MAP3K2: variants seen among roughly 807,000 people sequenced by gnomAD.
MAP3K2 encodes MAP/ERK kinase kinase 2.
Under a neutral mutation model 80.3 loss-of-function variants are expected in MAP3K2, and 24 were observed. The observed-to-expected ratio is 0.30, with a 90% CI of 0.22 to 0.42. The LOEUF is 0.42. MAP3K2 is among the 10% of genes least tolerant of loss of function. The probability of loss-of-function intolerance (pLI) is 1.00; values close to 1 mark genes in which losing one functional copy is unlikely to be tolerated. For synonymous variants in MAP3K2, 244 were observed against 253.7 expected (o/e 0.96, Z 0.36); for missense variants, 608 against 750.1 (o/e 0.81, Z 2.21).
Position 127,335,905 on chromosome 2 carries a change from C to A in MAP3K2, c.229G>T (p.Gly77Ter). 6.3e-7 allele frequency: 1 copy of A among 1,575,228 alleles called. No homozygotes were observed. The change falls in exon 5 of 17, where the codon GGA becomes TGA. Residue 77 changes from glycine (G) to a stop codon, truncating the protein, a stop_gained. Coordinates refer to ENST00000682094, the MANE Select transcript of MAP3K2 (RefSeq NM_001371910.2). LOFTEE classifies it high-confidence loss of function. The part of the protein sequence containing the change: ...DLRSKAKIAF[G>*]QSMDLHYTNN... Reference sequence around the variant, plus strand: ...GTATAATGTAGATCCATAGACTGTCCAAAGGCAATTTTAGCTTTAGATCTC... The same window carrying A: ...GTATAATGTAGATCCATAGACTGTCAAAAGGCAATTTTAGCTTTAGATCTC...
At chr2:127,325,544 T>A (rs562179112) in intron 9 of MAP3K2, among the ~76,000 whole-genome samples, 184 bp downstream of exon 9, 21 of 152,146 alleles carry the variant, frequency 1.4e-4, no homozygotes, top group South Asian at 8.3e-4. Context: ...TAGCCAGATG[T>A]GGTATTAATA....
chr2:127,328,137 T>C (rs1391249804), intron 7 of MAP3K2, among the ~76,000 whole-genome samples: 1 of 152,126 alleles, frequency 6.6e-6, no homozygotes, highest in East Asian at 1.9e-4. Flanking sequence ...TAGCCAGGCA[T>C]GGTGGCGGGC....
intron 1 of MAP3K2, among the ~76,000 whole-genome samples, chr2:127,354,775 T>C (rs1452878342): frequency 6.6e-6 from 1 of 151,948 alleles, no homozygotes; most frequent in African/African-American, 2.4e-5. Flanking sequence ...CAACTAATAA[T>C]AACAGACCCA....
At chr2:127,378,974 T>G (rs1687196702) in intron 1 of MAP3K2, among the ~76,000 whole-genome samples, 2 of 129,786 alleles carry the variant, frequency 1.5e-5, no homozygotes, top group African/African-American at 6.3e-5. Context: ...TTGTGGGGTT[T>G]TTTGTTGTTT....
At chr2:127,345,556 T>A (rs75912196) in intron 1 of MAP3K2, among the ~76,000 whole-genome samples, 3,955 of 152,122 alleles carry the variant, frequency 0.026, 75 homozygotes, top group Non-Finnish European at 0.038. Context: ...ATAATCAACC[T>A]CAAAACAGCA....
intron 12 of MAP3K2, among the ~76,000 whole-genome samples, chr2:127,320,020 GGCCTAGCAGAAGAAGAGCTGT>G (rs1415380451): frequency 6.6e-6 from 1 of 152,046 alleles, no homozygotes; most frequent in Non-Finnish European, 1.5e-5. Context: ...TCACAGTAAC[GGCCTAGCAGAAGAAGAGCTGT>G]GCCTATTTCC....
At chr2:127,378,983 T>TGG (rs946774481) in intron 1 of MAP3K2, among the ~76,000 whole-genome samples, 4 of 41,264 alleles carry the variant, frequency 9.7e-5, no homozygotes, top group African/African-American at 4.3e-4. Context: ...TTTTTGTTGT[T>TGG]TTTTTTTTTT....
intron 7 of MAP3K2, among the ~76,000 whole-genome samples, chr2:127,328,778 C>T (rs12613413): frequency 0.79 from 120,126 of 152,074 alleles, 47,582 homozygotes; most frequent in Middle Eastern, 0.84. Flanking sequence ...TTTTGATGGT[C>T]CACATGCCAA....
chr2:127,334,179 T>C (rs1396628840), intron 5 of MAP3K2, among the ~76,000 whole-genome samples: 1 of 151,436 alleles, frequency 6.6e-6, no homozygotes, highest in Non-Finnish European at 1.5e-5. Flanking sequence ...CATAGCAAAC[T>C]GGGAGAAGTC....
chr2:127,380,859 G>GT (rs1315985359), intron 1 of MAP3K2, among the ~76,000 whole-genome samples: 1 of 151,998 alleles, frequency 6.6e-6, no homozygotes, highest in Non-Finnish European at 1.5e-5. Context: ...AAGAGGAAAG[G>GT]TTTTTTAAGT....
intron 1 of MAP3K2, among the ~76,000 whole-genome samples, chr2:127,381,629 C>T (rs1021884173): frequency 3.3e-5 from 5 of 152,184 alleles, no homozygotes; most frequent in Non-Finnish European, 5.9e-5. Flanking sequence ...CACTGGAGAA[C>T]AGGCTAGCAT....
intron 2 of MAP3K2, among the ~76,000 whole-genome samples, chr2:127,341,161 T>G (rs1017538516): frequency 1.3e-5 from 2 of 151,840 alleles, no homozygotes; most frequent in Admixed American, 6.6e-5. Context: ...GGCTAATTTT[T>G]TGTATTTTTA....
intron 14 of MAP3K2, among the ~76,000 whole-genome samples, chr2:127,315,990 G>C (rs1246002487): frequency 6.6e-6 from 1 of 152,084 alleles, no homozygotes; most frequent in East Asian, 1.9e-4. Context: ...CAGGAGAATT[G>C]ATTTAATTCA....
At chr2:127,383,809 TAAA>T (rs1419757896) in intron 1 of MAP3K2, among the ~76,000 whole-genome samples, 1 of 150,982 alleles carries the variant, frequency 6.6e-6, no homozygotes, top group Non-Finnish European at 1.5e-5. Context: ...GAAATAAAAA[TAAA>T]AAAATTAGGC....
At chr2:127,324,636 G>T (rs1558977032) in intron 9 of MAP3K2, among the ~76,000 whole-genome samples, 1 of 152,154 alleles carries the variant, frequency 6.6e-6, no homozygotes, top group Non-Finnish European at 1.5e-5. Flanking sequence ...CAAATGGTAA[G>T]TACTCAAATA....
chr2:127,318,351 A>T (rs1685948952), intron 12 of MAP3K2, 34 bp from the exon 13 acceptor site: 1 of 1,527,930 alleles, frequency 6.5e-7, no homozygotes, highest in Non-Finnish European at 8.8e-7. Context: ...GTGAAATATC[A>T]AACAGCACAC....
chr2:127,372,662 G>A (rs1463733688), intron 1 of MAP3K2, among the ~76,000 whole-genome samples: 3 of 152,040 alleles, frequency 2.0e-5, no homozygotes, highest in Non-Finnish European at 4.4e-5. Context: ...CCAATGGGGG[G>A]GTCACTCTGC....
intron 1 of MAP3K2, among the ~76,000 whole-genome samples, chr2:127,379,897 T>C (rs1364138981): frequency 1.3e-5 from 2 of 152,304 alleles, no homozygotes; most frequent in Non-Finnish European, 1.5e-5. Flanking sequence ...ACTACAGATA[T>C]AGTAACAGTA....
chr2:127,349,920 G>A (rs190658983), intron 1 of MAP3K2, among the ~76,000 whole-genome samples: 12 of 152,140 alleles, frequency 7.9e-5, no homozygotes, highest in African/African-American at 2.9e-4. Context: ...TGTCACCCAG[G>A]CTGATGTGCA....
Sources: allele counts gnomAD v4.1 joint callset (sites outside exome capture counted in the v4.1 genomes callset), GRCh38; gene constraint gnomAD v4.1.1; transcripts MANE v1.5; gene names NCBI Gene and HGNC (gene_info 2026-07-23, HGNC 2026-07-21).